Variants in LDLRAD4 observed in about 807,000 individuals in gnomAD.
LDLRAD4 encodes the protein low-density lipoprotein receptor class A domain-containing protein 4.
A neutral mutation model predicts 17.0 loss-of-function variants in LDLRAD4; 5 were observed. The ratio of observed to expected loss-of-function variants is 0.29; its 90% CI spans 0.15 to 0.62. The LOEUF is 0.62. LDLRAD4 is among the 20% of genes least tolerant of loss of function. The pLI is 0.84. For missense variants in LDLRAD4, 340 were observed against 424.7 expected, an observed-to-expected ratio of 0.80 and a Z score of 1.75; for synonymous variants, 168 against 171.8, an observed-to-expected ratio of 0.98 and a Z score of 0.17.
chr18:13,603,144 A>G (rs1340422067), intron 3 of LDLRAD4, among the ~76,000 whole-genome samples: 1 of 152,248 alleles, frequency 6.6e-6, no homozygotes, highest in African/African-American at 2.4e-5. Context: ...AAGGAAAAGG[A>G]TAAAAGACAA....
At chr18:13,583,018 T>C (rs2148463021) in intron 3 of LDLRAD4, among the ~76,000 whole-genome samples, 1 of 152,330 alleles carries the variant, frequency 6.6e-6, no homozygotes, top group South Asian at 2.1e-4. Context: ...GTCTTGCTTG[T>C]ATACTCATCT....
intron 3 of LDLRAD4, among the ~76,000 whole-genome samples, chr18:13,502,985 T>C (rs1209274020): frequency 6.6e-6 from 1 of 152,170 alleles, no homozygotes; most frequent in African/African-American, 2.4e-5. Context: ...AGAGCAGACT[T>C]TGTGGCATCA....
intron 1 of LDLRAD4, among the ~76,000 whole-genome samples, chr18:13,363,728 TAAAAA>T (rs879377168): frequency 1.3e-5 from 2 of 152,166 alleles, no homozygotes; most frequent in African/African-American, 2.4e-5. Flanking sequence ...GTAATAAAAA[TAAAAA>T]TAAAATAAAT....
rs116866302 is a variant in LDLRAD4, at chr18:13,259,169, G to A, written c.-466-18936G>A. Among the ~76,000 whole-genome samples, 381 of 152,012 alleles carry A rather than the reference G, an allele frequency of 2.5e-3. 4 individuals are homozygous for A. Among genetic ancestry groups the A allele is most frequent in the Admixed American group, 5.4e-3 (83 of 15,254 alleles). ...AGTTTGTGGATTCCTTCCTTCCTTC[G>A]TCCTCCTCTCCCCTCCCCTCTCCTC... On this transcript the variant is annotated intron_variant, in intron 1 of 5. Coordinates refer to the LDLRAD4 transcript ENST00000399848.
chr18:13,391,371 G>A (rs73954270), intron 2 of LDLRAD4, among the ~76,000 whole-genome samples: 521 of 152,244 alleles, frequency 3.4e-3, no homozygotes, highest in Non-Finnish European at 5.0e-3. Flanking sequence ...TACCATGAAG[G>A]GGGTGGGAGT....
intron 4 of LDLRAD4, chr18:13,642,907 T>G (rs2148987859): frequency 4.5e-6 from 2 of 445,798 alleles, no homozygotes; most frequent in Non-Finnish European, 7.3e-6. Flanking sequence ...GTTTGTTTGT[T>G]TGTTTGTTTA....
At chr18:13,526,640 A>G (rs959153810) in intron 3 of LDLRAD4, 1 of 152,242 alleles carries the variant, frequency 6.6e-6, no homozygotes, top group African/African-American at 2.4e-5. Context: ...AGTCAGAGCA[A>G]AAATAAAATG....
chr18:13,651,664 G>GTACA (rs1314582283), exon 6 of LDLRAD4: 2 of 152,200 alleles, frequency 1.3e-5, no homozygotes, highest in Non-Finnish European at 2.9e-5. Flanking sequence ...ATAACACCAT[G>GTACA]TTCACTAAAA....
chr18:13,590,036 TG>T (rs1450152727), intron 3 of LDLRAD4, among the ~76,000 whole-genome samples: 2 of 147,804 alleles, frequency 1.4e-5, no homozygotes, highest in Non-Finnish European at 3.0e-5. Flanking sequence ...TGGGTGTGCA[TG>T]TGTGTGAGTG....
chr18:13,299,349 C>T (rs2146539821), intron 1 of LDLRAD4, among the ~76,000 whole-genome samples: 1 of 152,318 alleles, frequency 6.6e-6, no homozygotes, highest in East Asian at 1.9e-4. Flanking sequence ...TTCCTGGTCT[C>T]ATCACAAGGT....
At position 13,645,065 on chromosome 18, in the gene LDLRAD4, G is replaced by A; in HGVS notation, c.391-62G>A. 7.3e-7 allele frequency: 1 copy of A among 1,370,214 alleles called. No homozygotes were observed. The allele number at this position is 1,370,214 out of a possible 1,614,324, so 84.9% of individuals were successfully genotyped here. On this transcript the variant is annotated intron_variant, in intron 5 of 5. Transcript: ENST00000359446. The surrounding 1 kb of genome is among the most constrained non-coding windows in gnomAD (Gnocchi z 5.7). ...ACCAAGCGTAACTTTCCTTGATTCT[G>A]ACACATTTATGGTCATCATTGCGCT...
At chr18:13,304,373 A>G (rs540881928) in intron 1 of LDLRAD4, among the ~76,000 whole-genome samples, 1 of 152,186 alleles carries the variant, frequency 6.6e-6, no homozygotes, top group African/African-American at 2.4e-5. Context: ...GTTGGTACTC[A>G]CATGTTGAAG....
chr18:13,291,082 CA>C (rs2045935412), intron 1 of LDLRAD4, among the ~76,000 whole-genome samples: 1 of 152,180 alleles, frequency 6.6e-6, no homozygotes, highest in African/African-American at 2.4e-5. Context: ...GGCTGTTTAC[CA>C]AGTCTGGATG....
Position 13,576,239 on chromosome 18 carries a change from C to T in LDLRAD4, c.182-44878C>T, listed in dbSNP as rs749118889. Among the ~76,000 whole-genome samples, 8 of 152,028 alleles carry T rather than the reference C, an allele frequency of 5.3e-5. No individual in the cohort carries two copies. In the East Asian group the frequency reaches 5.8e-4, roughly 11 times the overall value. On this transcript the variant is annotated intron_variant, in intron 3 of 5. Coordinates refer to ENST00000359446, the Ensembl canonical transcript of LDLRAD4. Reference sequence around the variant, plus strand: ...GAGATCCAGACCATCCTGGGTAACACGGGGAAACCTGTCTCTACTAAAAAT... The same window carrying T: ...GAGATCCAGACCATCCTGGGTAACATGGGGAAACCTGTCTCTACTAAAAAT...
At chr18:13,521,469 T>A (rs1194843989) in intron 3 of LDLRAD4, 1 of 152,178 alleles carries the variant, frequency 6.6e-6, no homozygotes, top group African/African-American at 2.4e-5. Context: ...GTTGAAAGTA[T>A]GACAGATTGC....
chr18:13,279,942 G>A (rs1159033781), intron 1 of LDLRAD4: 1 of 152,238 alleles, frequency 6.6e-6, no homozygotes, highest in African/African-American at 2.4e-5. Context: ...TGTCCCTTAA[G>A]CAGCTCACAG....
At chr18:13,276,152 G>GTGTGCACCA (rs2044855190), upstream of LDLRAD4, among the ~76,000 whole-genome samples, 1 of 152,084 alleles carries the variant, frequency 6.6e-6, no homozygotes, top group African/African-American at 2.4e-5. Flanking sequence ...GGAACTACAG[G>GTGTGCACCA]TGTGCACCAC....
intron 1 of LDLRAD4, among the ~76,000 whole-genome samples, chr18:13,381,075 A>T (rs1268460785): frequency 1.2e-3 from 84 of 72,362 alleles, no homozygotes; most frequent in Non-Finnish European, 1.5e-3. Flanking sequence ...GTTTCTCTTT[A>T]GTTTTTTTTT....
At chr18:13,545,119 A>C (rs760701387) in intron 3 of LDLRAD4, among the ~76,000 whole-genome samples, 3 of 152,046 alleles carry the variant, frequency 2.0e-5, no homozygotes, top group Non-Finnish European at 4.4e-5. Context: ...GGGTGGTGTT[A>C]GTGGCCTCCT....
Sources: allele counts gnomAD v4.1 joint callset (sites outside exome capture counted in the v4.1 genomes callset), GRCh38; gene constraint gnomAD v4.1.1; non-coding constraint Gnocchi (gnomAD v3.1); transcripts MANE v1.5; gene names NCBI Gene and HGNC (gene_info 2026-07-23, HGNC 2026-07-21).